Variants in GLIS3 observed in about 807,000 individuals in gnomAD.
The protein encoded by GLIS3 is GLIS family zinc finger 3, also known as zinc finger protein GLIS3.
A neutral mutation model predicts 78.6 loss-of-function variants in GLIS3; 53 were observed. That is an observed-to-expected ratio of 0.67 (90% CI 0.54 to 0.85). The LOEUF (loss-of-function observed/expected upper bound fraction) is 0.85, where lower values mean the gene tolerates loss of function less well. Ranked by LOEUF, GLIS3 falls within the 40% of genes least tolerant of loss-of-function variation. GLIS3 has a pLI of 0.00. For missense variants in GLIS3, 1,703 were observed against 1,231.1 expected (o/e 1.38, Z -5.74); for synonymous variants, 684 against 509.9 (o/e 1.34, Z -4.60).
At chr9:4,123,798 A>T in intron 3 of GLIS3, 1 of 398,302 alleles carries the variant, frequency 2.5e-6, no homozygotes, top group Non-Finnish European at 4.4e-6. Context: ...AGAATTCAGG[A>T]TGACTGTCAT....
At chr9:4,437,454 ATC>A in the GLIS3 span, among the ~76,000 whole-genome samples, 24,203 of 151,844 alleles carry the variant, frequency 0.16, 2,212 homozygotes, top group Middle Eastern at 0.26. Flanking sequence ...CTATCTATCT[ATC>A]TATCTATCTA....
intron 2 of GLIS3, among the ~76,000 whole-genome samples, chr9:4,199,027 A>G (rs1819122427): frequency 6.6e-6 from 1 of 152,242 alleles, no homozygotes; most frequent in Non-Finnish European, 1.5e-5. Context: ...GGAATTCACC[A>G]CCACTGGACC....
At chr9:4,252,708 T>G (rs1242668293) in intron 2 of GLIS3, among the ~76,000 whole-genome samples, 1 of 152,236 alleles carries the variant, frequency 6.6e-6, no homozygotes, top group Non-Finnish European at 1.5e-5. Flanking sequence ...TTTGGAATTT[T>G]CAGCCTTTTT....
chr9:3,944,465 C>G (rs1480156013), intron 4 of GLIS3, among the ~76,000 whole-genome samples: 1 of 152,136 alleles, frequency 6.6e-6, no homozygotes, highest in Admixed American at 6.5e-5. Flanking sequence ...TCATGTTATA[C>G]CAATACAATG....
intron 4 of GLIS3, among the ~76,000 whole-genome samples, chr9:4,067,082 C>A (rs764540660): frequency 6.6e-6 from 1 of 152,172 alleles, no homozygotes; most frequent in African/African-American, 2.4e-5. Context: ...CTAGTTCCTT[C>A]CTTCCACAGT....
the GLIS3 span, among the ~76,000 whole-genome samples, chr9:4,445,415 C>T: frequency 2.0e-5 from 3 of 152,098 alleles, no homozygotes; most frequent in Non-Finnish European, 4.4e-5. Flanking sequence ...TTGCTTGAGG[C>T]CAGGAGTTCA....
At chr9:4,173,915 C>A (rs1055061994) in intron 2 of GLIS3, among the ~76,000 whole-genome samples, 21 of 51,832 alleles carry the variant, frequency 4.1e-4, no homozygotes, top group Non-Finnish European at 3.4e-4. Flanking sequence ...CCAGTTAAAA[C>A]ACACACACAC....
At chr9:4,353,454 G>A in the GLIS3 span, among the ~76,000 whole-genome samples, 1 of 152,178 alleles carries the variant, frequency 6.6e-6, no homozygotes, top group African/African-American at 2.4e-5. Context: ...GGATTCCAAA[G>A]TTCAGGGCCA....
chr9:3,938,403 T>C (rs1163203925), intron 4 of GLIS3, among the ~76,000 whole-genome samples: 1 of 152,204 alleles, frequency 6.6e-6, no homozygotes, highest in East Asian at 1.9e-4. Context: ...CAAGAAATTG[T>C]ATAAAACTCT....
At chr9:3,920,249 C>T (rs1400857419) in intron 6 of GLIS3, among the ~76,000 whole-genome samples, 6 of 152,052 alleles carry the variant, frequency 3.9e-5, no homozygotes, top group East Asian at 1.9e-4. Flanking sequence ...GTGATCCACC[C>T]GCCTCGGCCT....
intron 9 of GLIS3, among the ~76,000 whole-genome samples, chr9:3,833,022 A>G (rs969296574): frequency 6.6e-6 from 1 of 152,186 alleles, no homozygotes; most frequent in African/African-American, 2.4e-5. Context: ...GTGATATATG[A>G]GAGTATAAAA....
chr9:4,174,217 A>T (rs1816629449), intron 2 of GLIS3, among the ~76,000 whole-genome samples: 1 of 152,214 alleles, frequency 6.6e-6, no homozygotes, highest in South Asian at 2.1e-4. Flanking sequence ...ATTTCTTCAT[A>T]TTACAATAAG....
chr9:3,874,256 A>G (rs896687887), intron 8 of GLIS3, among the ~76,000 whole-genome samples: 1 of 152,196 alleles, frequency 6.6e-6, no homozygotes, highest in African/African-American at 2.4e-5. Flanking sequence ...AATCACGCCT[A>G]TGTAATGAAG....
At chr9:4,357,710 G>C in the GLIS3 span, among the ~76,000 whole-genome samples, 6 of 152,206 alleles carry the variant, frequency 3.9e-5, no homozygotes, top group African/African-American at 1.4e-4. Context: ...AATTTACATT[G>C]AGCATAAGCC....
chr9:4,454,142 T>C, the GLIS3 span, among the ~76,000 whole-genome samples: 1 of 127,102 alleles, frequency 7.9e-6, no homozygotes, highest in Non-Finnish European at 1.6e-5. Context: ...GACAAATGTA[T>C]ATGATGATAA....
At chr9:4,324,731 ATT>A (rs1407952182) in intron 2 of GLIS3, among the ~76,000 whole-genome samples, 1 of 152,110 alleles carries the variant, frequency 6.6e-6, no homozygotes, top group Non-Finnish European at 1.5e-5. Context: ...AGCAAGCACC[ATT>A]TTCTGTAAAT....
chr9:3,950,300 G>A (rs1057262006), intron 4 of GLIS3, among the ~76,000 whole-genome samples: 2 of 152,160 alleles, frequency 1.3e-5, no homozygotes, highest in African/African-American at 4.8e-5. Flanking sequence ...CACTGCAGCT[G>A]GAGTCACTTT....
exon 3 of GLIS3, chr9:4,310,490 G>C (rs978246574): frequency 6.6e-6 from 1 of 152,172 alleles, no homozygotes; most frequent in African/African-American, 2.4e-5. Context: ...CCTGGTCCAA[G>C]AAGAGTCACT....
At chr9:3,943,116 T>A (rs964712370) in intron 4 of GLIS3, among the ~76,000 whole-genome samples, 3 of 152,196 alleles carry the variant, frequency 2.0e-5, no homozygotes, top group Non-Finnish European at 1.5e-5. Context: ...GACTTCGCAT[T>A]TGGACATACG....
Sources: gnomAD v4.1 joint callset for allele counts (sites outside exome capture counted in the v4.1 genomes callset) on GRCh38, gnomAD v4.1.1 for gene constraint, MANE v1.5 for transcripts, NCBI Gene and HGNC (gene_info 2026-07-23, HGNC 2026-07-21) for gene names.